GMDS: variants seen among roughly 807,000 people sequenced by gnomAD.
GMDS encodes GDP-mannose 4,6-dehydratase.
A neutral mutation model predicts 49.9 loss-of-function variants in GMDS; 20 were observed. The ratio of observed to expected loss-of-function variants is 0.40; its 90% CI spans 0.28 to 0.58. The LOEUF (loss-of-function observed/expected upper bound fraction) is 0.58, where lower values mean the gene tolerates loss of function less well. GMDS is among the 20% of genes least tolerant of loss of function. The pLI is 0.42. For synonymous variants in GMDS, 177 were observed against 178.6 expected, an observed-to-expected ratio of 0.99 and a Z score of 0.07; for missense variants, 362 against 481.4, an observed-to-expected ratio of 0.75 and a Z score of 2.32.
chr6:2,008,834 T>C (rs1561970036), intron 4 of GMDS, among the ~76,000 whole-genome samples: 1 of 152,218 alleles, frequency 6.6e-6, no homozygotes, highest in Non-Finnish European at 1.5e-5. Flanking sequence ...TCTTAGTTTG[T>C]TACATGCCCT....
intron 4 of GMDS, among the ~76,000 whole-genome samples, chr6:1,980,936 T>C (rs181326755): frequency 7.2e-5 from 11 of 152,312 alleles, no homozygotes; most frequent in Admixed American, 3.9e-4. Flanking sequence ...TGCTCCTTAA[T>C]GACTCTTGGA....
chr6:1,701,229 T>C (rs918047551), intron 9 of GMDS, among the ~76,000 whole-genome samples: 1 of 152,246 alleles, frequency 6.6e-6, no homozygotes, highest in Admixed American at 6.5e-5. Flanking sequence ...AGCTTTCATT[T>C]ATAATTAACC....
rs1294500542 is a variant in GMDS, at chr6:2,191,095, A to ACCACGC, written c.102+54220_102+54225dup. Among the ~76,000 whole-genome samples the ACCACGC allele has an allele frequency of 1.3e-5, 2 of 152,084 alleles. No homozygotes were observed. ...CAGGGACCCAGCCAGTGGTGCGGTC[A>ACCACGC]CCACGCCCACTGCACCAAGGGTGCC... is the stretch of plus-strand genomic sequence containing the variant. On this transcript the variant is annotated intron_variant, in intron 1 of 10. Coordinates refer to ENST00000380815, the MANE Select transcript of GMDS (RefSeq NM_001500.4). This position sits in a 1 kb window ranked among gnomAD's most constrained non-coding sequence, Gnocchi z 4.6.
intron 1 of GMDS, among the ~76,000 whole-genome samples, chr6:2,149,297 G>T (rs144476227): frequency 1.4e-4 from 21 of 152,252 alleles, no homozygotes; most frequent in African/African-American, 4.3e-4. Flanking sequence ...TCATTAAAAT[G>T]AATGTAAAGA....
At chr6:2,192,647 C>G (rs951494021) in intron 1 of GMDS, among the ~76,000 whole-genome samples, 4 of 152,236 alleles carry the variant, frequency 2.6e-5, no homozygotes, top group Non-Finnish European at 5.9e-5. Context: ...CTGCAGTGCA[C>G]CTGGTCCAGC....
intron 7 of GMDS, among the ~76,000 whole-genome samples, chr6:1,767,774 G>C (rs1412543889): frequency 1.3e-5 from 2 of 152,166 alleles, no homozygotes; most frequent in East Asian, 3.8e-4. Context: ...CATCCCCGGA[G>C]GGCACTGCCT....
At chr6:2,174,887 A>G (rs1189261638) in intron 1 of GMDS, among the ~76,000 whole-genome samples, 3 of 152,158 alleles carry the variant, frequency 2.0e-5, no homozygotes, top group Admixed American at 1.3e-4. Context: ...CCTAGTTTCT[A>G]AAGGCTCAAC....
At chr6:1,919,182 C>A (rs556724974) in intron 7 of GMDS, among the ~76,000 whole-genome samples, 2 of 152,178 alleles carry the variant, frequency 1.3e-5, no homozygotes, top group Non-Finnish European at 1.5e-5. Context: ...CCAGGTCCTG[C>A]CTTCAAGGAG....
intron 9 of GMDS, among the ~76,000 whole-genome samples, chr6:1,632,942 C>T (rs1177496236): frequency 6.6e-6 from 1 of 152,210 alleles, no homozygotes; most frequent in African/African-American, 2.4e-5. Flanking sequence ...CCTGGAATCA[C>T]AACGTGGCTC....
At chr6:2,123,729 CATTT>C (rs1211670369) in intron 2 of GMDS, among the ~76,000 whole-genome samples, 2 of 152,144 alleles carry the variant, frequency 1.3e-5, no homozygotes, top group Admixed American at 1.3e-4. Context: ...TTCATAATTC[CATTT>C]ATTTTCATAT....
chr6:1,928,648 T>A lies in GMDS; in HGVS notation c.771+1455A>T, dbSNP rs141958025. Among the ~76,000 whole-genome samples the A allele has an allele frequency of 1.4e-3, 209 of 152,282 alleles. 1 individual carries two copies. Among genetic ancestry groups the A allele is most frequent in the African/African-American group, 4.9e-3 (204 of 41,556 alleles). ...AGGATTAATGTCATAAAATGCTTCT[T>A]TGTAATTATAGCTTAGAAGCACATA... On this transcript the variant is annotated intron_variant, in intron 7 of 10. Coordinates refer to ENST00000380815, the MANE Select transcript of GMDS (RefSeq NM_001500.4).
At chr6:1,747,693 G>A (rs1157792584) in intron 7 of GMDS, among the ~76,000 whole-genome samples, 2 of 152,178 alleles carry the variant, frequency 1.3e-5, no homozygotes, top group Non-Finnish European at 2.9e-5. Flanking sequence ...CTGGTATTTA[G>A]TTTGAGTCAG....
intron 9 of GMDS, among the ~76,000 whole-genome samples, chr6:1,721,641 T>C (rs1332250509): frequency 6.6e-6 from 1 of 151,530 alleles, no homozygotes; most frequent in East Asian, 1.9e-4. Context: ...ATCTCTTTGC[T>C]TTTTTTTTCT....
At chr6:2,217,477 G>A (rs752218652) in intron 1 of GMDS, among the ~76,000 whole-genome samples, 1 of 152,086 alleles carries the variant, frequency 6.6e-6, no homozygotes, top group Admixed American at 6.6e-5. Context: ...TTAACTTTAA[G>A]GGAGAAACAC....
chr6:2,112,955 T>C (rs1774634254), intron 4 of GMDS, among the ~76,000 whole-genome samples: 1 of 152,030 alleles, frequency 6.6e-6, no homozygotes, highest in South Asian at 2.1e-4. Context: ...TACCCGTCTT[T>C]CTCCAGTTAC....
intron 4 of GMDS, among the ~76,000 whole-genome samples, chr6:2,107,092 G>A (rs981641021): frequency 6.6e-6 from 1 of 151,946 alleles, no homozygotes; most frequent in African/African-American, 2.4e-5. Flanking sequence ...ACACATTAAG[G>A]GTGAAAAACC....
At chr6:1,649,434 G>T (rs186314978) in intron 9 of GMDS, among the ~76,000 whole-genome samples, 1 of 152,288 alleles carries the variant, frequency 6.6e-6, no homozygotes, top group Non-Finnish European at 1.5e-5. Flanking sequence ...CTTATGCCAT[G>T]AACATTAAAA....
intron 1 of GMDS, among the ~76,000 whole-genome samples, chr6:2,162,583 C>T (rs1205233689): frequency 2.0e-5 from 3 of 151,712 alleles, no homozygotes; most frequent in Non-Finnish European, 2.9e-5. Flanking sequence ...ATACTTAAAA[C>T]AGTCTTACTT....
At chr6:1,634,115 T>C (rs1763074692) in intron 9 of GMDS, among the ~76,000 whole-genome samples, 1 of 152,246 alleles carries the variant, frequency 6.6e-6, no homozygotes, top group South Asian at 2.1e-4. Context: ...TGCCACTCTT[T>C]GATGTGCTTG....
Sources: gnomAD v4.1 joint callset for allele counts (sites outside exome capture counted in the v4.1 genomes callset) on GRCh38, gnomAD v4.1.1 for gene constraint, Gnocchi (gnomAD v3.1) non-coding constraint, MANE v1.5 for transcripts, NCBI Gene and HGNC (gene_info 2026-07-23, HGNC 2026-07-21) for gene names.